FAM184B: variants seen among roughly 807,000 people sequenced by gnomAD.
The protein encoded by FAM184B is family with sequence similarity 184 member B.
A neutral mutation model predicts 135.9 loss-of-function variants in FAM184B; 111 were observed. The observed-to-expected ratio is 0.82, with a 90% CI of 0.70 to 0.96. The LOEUF (loss-of-function observed/expected upper bound fraction) is 0.96. FAM184B is among the 40% of genes least tolerant of loss of function. The probability of loss-of-function intolerance (pLI) is 0.00; values close to 1 mark genes in which losing one functional copy is unlikely to be tolerated. For missense variants in FAM184B, 1,375 were observed against 1,323.9 expected, an observed-to-expected ratio of 1.04 and a Z score of -0.60; for synonymous variants, 552 against 524.8, an observed-to-expected ratio of 1.05 and a Z score of -0.71.
At position 17,709,539 on chromosome 4, in the gene FAM184B, C is replaced by G; in HGVS notation, c.247G>C (p.Ala83Pro). 1.3e-6 allele frequency: 2 copies of G among 1,551,024 alleles called. No homozygotes were observed. The highest frequency in any genetic ancestry group is 1.7e-6 in the Non-Finnish European group (2 of 1,146,974). ...ELQNAVAETKARLLQEQGCAE... is the reference protein window; with the variant it reads ...ELQNAVAETKPRLLQEQGCAE... The stretch of plus-strand genomic sequence containing the variant: ...CAGCCCTGTTCCTGCAGGAGCCTGG[C>G]CTTGGTCTCTGCCACCGCATTCTGG... The change falls in exon 2 of 18, where the codon GCC becomes CCC. Residue 83 changes from alanine to proline, a missense_variant. Coordinates refer to ENST00000265018, the MANE Select transcript of FAM184B (RefSeq NM_015688.2).
At chr4:17,770,421 A>G (rs1718790452) in intron 1 of FAM184B, among the ~76,000 whole-genome samples, 1 of 147,370 alleles carries the variant, frequency 6.8e-6, no homozygotes, top group Non-Finnish European at 1.5e-5. Context: ...AGTCACCAGG[A>G]CTTGCCTCAG....
intron 1 of FAM184B, among the ~76,000 whole-genome samples, chr4:17,720,481 AC>A (rs1370822391): frequency 6.6e-6 from 1 of 152,224 alleles, no homozygotes; most frequent in African/African-American, 2.4e-5. Flanking sequence ...GGCTATCATC[AC>A]AAAAAGAGAA....
intron 10 of FAM184B, among the ~76,000 whole-genome samples, chr4:17,655,785 GAGTGAACAATAAA>G (rs756309680): frequency 6.6e-5 from 10 of 152,322 alleles, no homozygotes; most frequent in Middle Eastern, 3.4e-3. Context: ...CAGAATAGAT[GAGTGAACAATAAA>G]AGTGAACCTT....
At chr4:17,646,694 C>T (rs191682526) in intron 12 of FAM184B, among the ~76,000 whole-genome samples, 66 of 152,196 alleles carry the variant, frequency 4.3e-4, no homozygotes, top group African/African-American at 1.5e-3. Flanking sequence ...CAAACCTGCA[C>T]ATTGTGCACA....
intron 14 of FAM184B, among the ~76,000 whole-genome samples, chr4:17,636,893 T>C (rs1205663634): frequency 6.6e-6 from 1 of 152,174 alleles, no homozygotes; most frequent in African/African-American, 2.4e-5. Flanking sequence ...GATGCTGCAC[T>C]CAGCGGGGCT....
Position 17,642,063 on chromosome 4 carries a change from G to T in FAM184B, c.2512C>A (p.Gln838Lys). ...HQQEAQKLRD[Q>K]RRFLEETQQA... ...GCGCGCCGGGTCACCCACCTGCGCT[G>T]GTCTCGGAGCTTCTGCGCCTCCTGC... Residue 838 changes from glutamine (Q) to lysine (K), a missense_variant, in exon 13 of 18, where the codon CAG (glutamine) becomes AAG (lysine). By Grantham distance (53) the Gln-to-Lys change is moderately conservative. Coordinates refer to ENST00000265018, the MANE Select transcript of FAM184B (RefSeq NM_015688.2). The T allele has an allele frequency of 6.5e-7, 1 of 1,530,640 alleles. No homozygotes were observed. The allele number at this position is 1,530,640 out of a possible 1,614,324, so 94.8% of individuals were successfully genotyped here.
Position 17,691,330 on chromosome 4 carries a change from T to C in FAM184B, c.1488+1972A>G, listed in dbSNP as rs866187657. Among the ~76,000 whole-genome samples, 3 of 152,150 alleles carry C rather than the reference T, an allele frequency of 2.0e-5. No homozygotes were observed. The South Asian group carries it at 6.2e-4, about 32-fold the overall frequency. On this transcript the variant is annotated intron_variant, in intron 6 of 17. Coordinates refer to ENST00000265018, the MANE Select transcript of FAM184B (RefSeq NM_015688.2). ...GAGGATTAAAATAGTAAATGTAAACTTCTTAGATAGTATCTTGACTAGAGC... is the reference window on the plus strand; with the variant it reads ...GAGGATTAAAATAGTAAATGTAAACCTCTTAGATAGTATCTTGACTAGAGC...
intron 12 of FAM184B, among the ~76,000 whole-genome samples, chr4:17,642,627 G>A (rs1471307977): frequency 6.6e-6 from 1 of 152,156 alleles, no homozygotes; most frequent in Non-Finnish European, 1.5e-5. Context: ...GAACTGATAA[G>A]CTTTCTCTAA....
At chr4:17,751,867 A>ACACACACACACACACACACACAC (rs1491120270) in intron 1 of FAM184B, among the ~76,000 whole-genome samples, 5 of 149,486 alleles carry the variant, frequency 3.3e-5, no homozygotes, top group East Asian at 2.0e-4. Context: ...ACACACACAC[A>ACACACACACACACACACACACAC]AAAGAACCAG....
intron 1 of FAM184B, among the ~76,000 whole-genome samples, chr4:17,754,248 AACTT>A (rs1170971010): frequency 6.6e-6 from 1 of 151,972 alleles, no homozygotes; most frequent in Non-Finnish European, 1.5e-5. Context: ...TTTAGGAAAA[AACTT>A]AAGAAGAAGA....
At position 17,688,424 on chromosome 4, in the gene FAM184B, C is replaced by G; in HGVS notation, c.1596G>C (p.Gln532His). Reference sequence around the variant, plus strand: ...TAAATCTGACAAAGCTGGAGGTTACCTGGGTCTCCAGAATGCTGCAGTGCT... The same window carrying G: ...TAAATCTGACAAAGCTGGAGGTTACGTGGGTCTCCAGAATGCTGCAGTGCT... ...GRQHCSILET[Q>H]DPCLKLDETS... Residue 532 changes from glutamine to histidine, a missense_variant and splice_region_variant, in exon 7 of 18, where the codon CAG becomes CAC. Coordinates refer to ENST00000265018, the MANE Select transcript of FAM184B (RefSeq NM_015688.2). The G allele has an allele frequency of 6.5e-7, 1 of 1,545,964 alleles. No homozygotes were observed. The highest frequency in any genetic ancestry group is 1.2e-5 in the South Asian group (1 of 83,094).
At position 17,682,751 on chromosome 4, in the gene FAM184B, C is replaced by T. The variant is rs913257391; in HGVS notation, c.1596+5673G>A. On this transcript the variant is annotated intron_variant, in intron 7 of 17. Transcript: ENST00000265018. ...TGGCCTCAAGTGATCCACCTGCCTC[C>T]GTCTCTCGAAATGCTGGGATTATAA... Among the ~76,000 whole-genome samples, 9 of 152,102 alleles carry T rather than the reference C, an allele frequency of 5.9e-5. No individual in the cohort carries two copies. In the South Asian group the frequency reaches 6.2e-4, roughly 10 times the overall value.
chr4:17,764,980 C>A (rs544148057), intron 1 of FAM184B, among the ~76,000 whole-genome samples: 27 of 152,218 alleles, frequency 1.8e-4, no homozygotes, highest in Admixed American at 5.2e-4. Context: ...GTGGGAGGAT[C>A]ACTTGAGCCC....
chr4:17,731,740 C>T (rs1363742409), intron 1 of FAM184B, among the ~76,000 whole-genome samples: 1 of 152,190 alleles, frequency 6.6e-6, no homozygotes, highest in Non-Finnish European at 1.5e-5. Context: ...GAGACTTTAA[C>T]ACCCCACTGT....
intron 1 of FAM184B, among the ~76,000 whole-genome samples, chr4:17,743,395 T>A (rs1275440596): frequency 5.3e-5 from 8 of 152,130 alleles, no homozygotes; most frequent in Non-Finnish European, 1.2e-4. Flanking sequence ...CAAAGCTGAT[T>A]CACCTGTTAT....
At chr4:17,767,217 C>A (rs953980558) in intron 1 of FAM184B, among the ~76,000 whole-genome samples, 4 of 152,176 alleles carry the variant, frequency 2.6e-5, no homozygotes, top group Non-Finnish European at 1.5e-5. Context: ...GCAGAGGGAG[C>A]CGGCTCCAGC....
chr4:17,767,622 G>A (rs1207610741), intron 1 of FAM184B, among the ~76,000 whole-genome samples: 1 of 152,160 alleles, frequency 6.6e-6, no homozygotes, highest in Non-Finnish European at 1.5e-5. Context: ...TGGGCATGGT[G>A]ACGTTACACT....
chr4:17,679,264 T>A (rs1022084038), intron 7 of FAM184B, among the ~76,000 whole-genome samples: 1 of 152,190 alleles, frequency 6.6e-6, no homozygotes, highest in Admixed American at 6.5e-5. Context: ...GGATAAAATA[T>A]TTGCAATCTA....
chr4:17,720,285 C>G (rs1463361561), intron 1 of FAM184B, among the ~76,000 whole-genome samples: 1 of 152,132 alleles, frequency 6.6e-6, no homozygotes, highest in Admixed American at 6.5e-5. Flanking sequence ...TGGATTTTTC[C>G]TTTTAATACC....
Sources: allele counts gnomAD v4.1 joint callset (sites outside exome capture counted in the v4.1 genomes callset), GRCh38; gene constraint gnomAD v4.1.1; transcripts MANE v1.5; gene names NCBI Gene and HGNC (gene_info 2026-07-23, HGNC 2026-07-21).